The following CTNND2 variants were observed in gnomAD, a reference collection of about 807,000 sequenced individuals.
CTNND2 encodes the protein catenin delta 2.
A neutral mutation model predicts 144.4 loss-of-function variants in CTNND2; 22 were observed. The observed-to-expected ratio is 0.15, with a 90% confidence interval of 0.11 to 0.22. CTNND2 has a LOEUF of 0.22. Ranked by LOEUF, CTNND2 falls within the 10% of genes least tolerant of loss-of-function variation. CTNND2 has a pLI of 1.00. For missense variants in CTNND2, 1,353 were observed against 1,618.8 expected, an observed-to-expected ratio of 0.84 and a Z score of 2.82; for synonymous variants, 751 against 695.6, an observed-to-expected ratio of 1.08 and a Z score of -1.25.
At chr5:11,377,364 T>C (rs1034388871) in intron 7 of CTNND2, among the ~76,000 whole-genome samples, 3 of 152,198 alleles carry the variant, frequency 2.0e-5, no homozygotes, top group Non-Finnish European at 4.4e-5. Flanking sequence ...CTCTGTGTTT[T>C]GTCTCTTTTG....
chr5:10,992,496 C>G lies in CTNND2; in HGVS notation c.3211+55G>C, dbSNP rs1579974017. 1.6e-5 allele frequency: 26 copies of G among 1,611,182 alleles called. No homozygotes were observed. The South Asian group carries it at 2.2e-4, about 14-fold the overall frequency. On this transcript the variant is annotated intron_variant, in intron 19 of 21. Transcript: ENST00000304623. ...GGTTGGCTCACGGACTGGGAAGGAC[C>G]GTCTTTGCTCAACGAGAAATAAAGC...
intron 10 of CTNND2, among the ~76,000 whole-genome samples, chr5:11,219,957 A>C (rs1049624865): frequency 6.6e-6 from 1 of 152,012 alleles, no homozygotes; most frequent in Admixed American, 6.6e-5. Flanking sequence ...CACCTCCCCA[A>C]CTCCACTCAC....
At chr5:11,774,255 G>C (rs987851558) in intron 1 of CTNND2, among the ~76,000 whole-genome samples, 1 of 151,770 alleles carries the variant, frequency 6.6e-6, no homozygotes, top group Admixed American at 6.6e-5. Context: ...GATGATTTCC[G>C]ATTTCATCCA....
At chr5:11,195,134 G>T (rs1384770385) in intron 11 of CTNND2, among the ~76,000 whole-genome samples, 1 of 152,016 alleles carries the variant, frequency 6.6e-6, no homozygotes, top group East Asian at 1.9e-4. Flanking sequence ...ACTGAAGAAG[G>T]TCATGACTCT....
chr5:11,412,808 G>A (rs185197194), intron 3 of CTNND2, among the ~76,000 whole-genome samples: 2 of 152,062 alleles, frequency 1.3e-5, no homozygotes, highest in African/African-American at 2.4e-5. Flanking sequence ...GTAAATAATC[G>A]GTGAGAAATC....
intron 18 of CTNND2, among the ~76,000 whole-genome samples, chr5:11,012,615 A>G (rs1410238783): frequency 2.6e-5 from 4 of 152,304 alleles, no homozygotes; most frequent in South Asian, 4.1e-4. Context: ...GGCTGCCGGA[A>G]GTCAGTTCTT....
intron 2 of CTNND2, among the ~76,000 whole-genome samples, chr5:11,589,316 A>ACG (rs1215796926): frequency 1.4e-4 from 15 of 108,832 alleles, no homozygotes; most frequent in South Asian, 3.3e-4. Flanking sequence ...CACACACGAC[A>ACG]ACAACAACAA....
At chr5:11,194,091 C>T (rs1736613693) in intron 11 of CTNND2, among the ~76,000 whole-genome samples, 1 of 152,064 alleles carries the variant, frequency 6.6e-6, no homozygotes, top group African/African-American at 2.4e-5. Context: ...GAAATTTCAT[C>T]ACATTTCTGT....
In CTNND2 at chr5:11,903,467, T is replaced by A; in HGVS notation, c.37+350A>T. 2 of 707,172 alleles carry A rather than the reference T, an allele frequency of 2.8e-6. No homozygotes were observed. The highest frequency in any genetic ancestry group is 1.8e-6 in the Non-Finnish European group (1 of 557,278). 43.8% of individuals were successfully genotyped at this position (707,172 alleles called of 1,614,324 possible). ...CTCCTCCCGTATATTAGGGACGTCA[T>A]GAATGCACCGAGTATGTTCTCAGGG... On this transcript the variant is annotated intron_variant, in intron 1 of 21. Transcript: ENST00000304623. The surrounding 1 kb of genome is among the most constrained non-coding windows in gnomAD (Gnocchi z 5.4).
At chr5:11,267,731 C>T (rs370968756) in intron 9 of CTNND2, among the ~76,000 whole-genome samples, 1 of 152,180 alleles carries the variant, frequency 6.6e-6, no homozygotes, top group Non-Finnish European at 1.5e-5. Flanking sequence ...GTTCTAGTAG[C>T]TCATTATATT....
chr5:11,717,738 G>A (rs1443292050), intron 2 of CTNND2, among the ~76,000 whole-genome samples: 1 of 152,106 alleles, frequency 6.6e-6, no homozygotes, highest in Admixed American at 6.6e-5. Flanking sequence ...GAGAGATTGT[G>A]CAGGGGAATT....
intron 16 of CTNND2, among the ~76,000 whole-genome samples, chr5:11,060,373 C>T (rs536680756): frequency 2.6e-5 from 4 of 152,194 alleles, no homozygotes; most frequent in Non-Finnish European, 4.4e-5. Flanking sequence ...AGGGATTCAT[C>T]AAGTCCCAGA....
intron 3 of CTNND2, among the ~76,000 whole-genome samples, chr5:11,540,336 C>T (rs1774609251): frequency 6.6e-6 from 1 of 152,128 alleles, no homozygotes. Context: ...GAAGCATGTG[C>T]CCTCCTGAAG....
chr5:11,310,946 T>C (rs74197048), intron 9 of CTNND2, among the ~76,000 whole-genome samples: 2,733 of 130,686 alleles, frequency 0.021, 82 homozygotes, highest in African/African-American at 0.076. Flanking sequence ...GCACTCACAC[T>C]CCCTATGCAC....
At chr5:11,677,409 A>G (rs1251718442) in intron 2 of CTNND2, among the ~76,000 whole-genome samples, 1 of 152,238 alleles carries the variant, frequency 6.6e-6, no homozygotes, top group East Asian at 1.9e-4. Flanking sequence ...TGCCCAATTT[A>G]TAAACTACTT....
chr5:11,592,173 TG>T (rs35272006), intron 2 of CTNND2, among the ~76,000 whole-genome samples: 14,698 of 149,722 alleles, frequency 0.098, 917 homozygotes, highest in East Asian at 0.28. Context: ...CCTGCCTTCC[TG>T]CCTGCCTGCC....
intron 11 of CTNND2, among the ~76,000 whole-genome samples, chr5:11,191,717 T>G (rs1473461361): frequency 6.6e-6 from 1 of 152,180 alleles, no homozygotes; most frequent in East Asian, 1.9e-4. Flanking sequence ...TCCCACCACA[T>G]CCCCTCTTTC....
chr5:11,370,426 AAG>A, intron 7 of CTNND2, among the ~76,000 whole-genome samples: 1 of 152,168 alleles, frequency 6.6e-6, no homozygotes, highest in East Asian at 1.9e-4. Context: ...AAAGGAGAAA[AAG>A]AGGAGATGGG....
At chr5:11,078,314 T>C (rs1227202173) in intron 16 of CTNND2, among the ~76,000 whole-genome samples, 2 of 152,244 alleles carry the variant, frequency 1.3e-5, no homozygotes, top group African/African-American at 4.8e-5. Flanking sequence ...AAAGTCGCAT[T>C]TCCTCTCTCT....
Sources: gnomAD v4.1 joint callset for allele counts (sites outside exome capture counted in the v4.1 genomes callset) on GRCh38, gnomAD v4.1.1 for gene constraint, Gnocchi (gnomAD v3.1) non-coding constraint, MANE v1.5 for transcripts, NCBI Gene and HGNC (gene_info 2026-07-23, HGNC 2026-07-21) for gene names.